CBFA2T2: variants seen among roughly 807,000 people sequenced by gnomAD.
CBFA2T2 encodes the protein CBFA2/RUNX1 partner transcriptional co-repressor 2, also known as protein CBFA2T2.
Under a neutral mutation model 62.2 loss-of-function variants are expected in CBFA2T2, and 11 were observed. That is an observed-to-expected ratio of 0.18 (90% CI 0.11 to 0.29). CBFA2T2 has a LOEUF of 0.29. Among genes scored for constraint, CBFA2T2 ranks in the 10% least tolerant of loss-of-function variants. The pLI is 1.00. For missense variants in CBFA2T2, 592 were observed against 774.1 expected, an observed-to-expected ratio of 0.76 and a Z score of 2.79; for synonymous variants, 295 against 287.5, an observed-to-expected ratio of 1.03 and a Z score of -0.27.
intron 1 of CBFA2T2, among the ~76,000 whole-genome samples, chr20:33,539,717 TTGTC>T (rs967620442): frequency 5.3e-4 from 80 of 151,686 alleles, no homozygotes; most frequent in African/African-American, 1.4e-3. Context: ...AAGACAGTCT[TTGTC>T]TGTCACTCAG....
At chr20:33,624,253 A>G (rs1376342487) in intron 5 of CBFA2T2, among the ~76,000 whole-genome samples, 1 of 150,640 alleles carries the variant, frequency 6.6e-6, no homozygotes, top group Non-Finnish European at 1.5e-5. Flanking sequence ...AAAAAAAAAA[A>G]AAGAAAATTT....
At chr20:33,587,593 GT>G (rs892312779) in intron 1 of CBFA2T2, among the ~76,000 whole-genome samples, 1 of 151,088 alleles carries the variant, frequency 6.6e-6, no homozygotes, top group African/African-American at 2.4e-5. Context: ...TAGAGACAGG[GT>G]TTCACCATGT....
At chr20:33,642,277 C>T (rs946166917) in intron 10 of CBFA2T2, among the ~76,000 whole-genome samples, 1 of 151,986 alleles carries the variant, frequency 6.6e-6, no homozygotes, top group African/African-American at 2.4e-5. Flanking sequence ...TGAGCCACCA[C>T]GCCCAGCTTC....
intron 1 of CBFA2T2, among the ~76,000 whole-genome samples, chr20:33,543,034 G>A (rs1487422274): frequency 2.7e-5 from 4 of 150,742 alleles, no homozygotes; most frequent in Non-Finnish European, 5.9e-5. Context: ...TATTTTTTGA[G>A]ACAGAGTCTT....
intron 1 of CBFA2T2, among the ~76,000 whole-genome samples, chr20:33,551,184 C>G (rs1324424694): frequency 6.6e-6 from 1 of 150,868 alleles, no homozygotes. Flanking sequence ...TTTATTCCAG[C>G]AAGTGAAATT....
chr20:33,604,108 A>T (rs2015247955), intron 1 of CBFA2T2, among the ~76,000 whole-genome samples: 1 of 152,204 alleles, frequency 6.6e-6, no homozygotes, highest in Admixed American at 6.5e-5. Flanking sequence ...GGATCATTCC[A>T]TACATTATCT....
intron 1 of CBFA2T2, among the ~76,000 whole-genome samples, chr20:33,555,157 T>TA (rs1161391859): frequency 2.0e-5 from 3 of 152,298 alleles, no homozygotes; most frequent in East Asian, 3.9e-4. Flanking sequence ...AGTCCCTAGT[T>TA]AGAGGTTTGT....
chr20:33,644,703 G>T lies in CBFA2T2; in HGVS notation c.*57G>T. The T allele has an allele frequency of 6.6e-7, 1 of 1,520,594 alleles. No individual in the cohort carries two copies. 94.2% of individuals were successfully genotyped at this position (1,520,594 alleles called of 1,614,324 possible). ...CAGCACCACAGAGTGCTTGGGCTGA[G>T]GGACTGACTGTTGGAACCCGTGCAT... On this transcript the variant is annotated 3_prime_UTR_variant, in exon 11 of 11. Transcript: ENST00000342704.
At chr20:33,549,487 A>G (rs2012673517) in intron 1 of CBFA2T2, among the ~76,000 whole-genome samples, 1 of 152,218 alleles carries the variant, frequency 6.6e-6, no homozygotes, top group Admixed American at 6.5e-5. Flanking sequence ...TTGCTAAATT[A>G]AAGAAGCCAC....
chr20:33,617,929 A>C (rs974913626), intron 3 of CBFA2T2, among the ~76,000 whole-genome samples: 1 of 152,190 alleles, frequency 6.6e-6, no homozygotes, highest in Non-Finnish European at 1.5e-5. Context: ...CTCAGAAATA[A>C]CTGTTATTGT....
At position 33,531,091 on chromosome 20, in the gene CBFA2T2, TAAAC is replaced by T. The variant is rs374105136; in HGVS notation, c.34+40805_34+40808del. ...GAGCAAGACTCCGTCTCTAAATAAA[TAAAC>T]AAACAAACAAACAAGGCTTCTAGTT... On this transcript the variant is annotated intron_variant, in intron 1 of 10. Transcript: ENST00000342704. Among the ~76,000 whole-genome samples, 988 of 152,064 alleles carry T rather than the reference TAAAC, an allele frequency of 6.5e-3. 7 individuals carry two copies. The highest frequency in any genetic ancestry group is 0.02 in the African/African-American group (850 of 41,486).
chr20:33,564,323 C>T (rs893611855), intron 1 of CBFA2T2, among the ~76,000 whole-genome samples: 14 of 149,102 alleles, frequency 9.4e-5, no homozygotes, highest in African/African-American at 3.2e-4. Context: ...AGTGCAGTGG[C>T]GCGGTCTCGG....
chr20:33,571,737 T>C (rs2013576602), intron 1 of CBFA2T2, among the ~76,000 whole-genome samples: 1 of 152,272 alleles, frequency 6.6e-6, no homozygotes, highest in African/African-American at 2.4e-5. Flanking sequence ...TTGGAGAATC[T>C]GTAAGTAGTA....
chr20:33,609,937 A>G (rs2015465437), intron 2 of CBFA2T2, among the ~76,000 whole-genome samples: 1 of 152,248 alleles, frequency 6.6e-6, no homozygotes, highest in Admixed American at 6.5e-5. Flanking sequence ...AAGTGAAAAC[A>G]GAATGATACT....
intron 2 of CBFA2T2, among the ~76,000 whole-genome samples, chr20:33,609,502 TAA>T (rs1404416325): frequency 6.8e-6 from 1 of 147,254 alleles, no homozygotes; most frequent in South Asian, 2.1e-4. Flanking sequence ...ACTCGGTCTC[TAA>T]AAAAAAAAGT....
chr20:33,573,956 A>ATT (rs79244534), intron 1 of CBFA2T2: 3,892 of 330,376 alleles, frequency 0.012, 18 homozygotes, highest in Middle Eastern at 0.017. Flanking sequence ...AATTTTTCTT[A>ATT]TTTTTTTTTT....
chr20:33,506,767 A>G (rs909168739), intron 1 of CBFA2T2, among the ~76,000 whole-genome samples: 2 of 152,236 alleles, frequency 1.3e-5, no homozygotes, highest in Non-Finnish European at 2.9e-5. Flanking sequence ...AGGAGATGGG[A>G]TGCCATCCAT....
intron 1 of CBFA2T2, chr20:33,602,047 G>A (rs986454158): frequency 1.3e-5 from 2 of 152,068 alleles, no homozygotes; most frequent in Admixed American, 6.6e-5. Context: ...GCTTATCCTC[G>A]TGTCTAGCAA....
Position 33,628,450 on chromosome 20 carries a change from G to A in CBFA2T2, c.1032+15G>A. The A allele has an allele frequency of 6.5e-7, 1 of 1,547,900 alleles. No individual in the cohort carries two copies. The highest frequency in any genetic ancestry group is 1.7e-5 in the Admixed American group (1 of 59,936). On this transcript the variant is annotated intron_variant, in intron 7 of 10. Coordinates refer to ENST00000342704, the MANE Select transcript of CBFA2T2 (RefSeq NM_001032999.3). ...ATCTTGACCATGTAAGAATCTTGTA[G>A]TGTGTAATGTCCCTAACTCTTTATT...
Sources: gnomAD v4.1 joint callset for allele counts (sites outside exome capture counted in the v4.1 genomes callset) on GRCh38, gnomAD v4.1.1 for gene constraint, MANE v1.5 for transcripts, NCBI Gene and HGNC (gene_info 2026-07-23, HGNC 2026-07-21) for gene names.